The following GPR6 variants were observed in gnomAD, a reference collection of about 807,000 sequenced individuals.
GPR6 encodes the protein G protein-coupled receptor 6.
GPR6 carries 14 observed loss-of-function variants against 18.5 expected under a neutral mutation model. That is an observed-to-expected ratio of 0.76 (90% CI 0.50 to 1.18). The LOEUF (loss-of-function observed/expected upper bound fraction) is 1.18, where lower values mean the gene tolerates loss of function less well. Among genes scored for constraint, GPR6 ranks in the 50% most tolerant of loss-of-function variants. The pLI is 0.00. For synonymous variants in GPR6, 299 were observed against 240.9 expected (o/e 1.24, Z -2.23); for missense variants, 477 against 495.9 (o/e 0.96, Z 0.36).
In GPR6 at chr6:109,979,508, G is replaced by C; in HGVS notation, c.396G>C (p.Gln132His). The change falls in exon 2 of 2, where the codon CAG (glutamine) becomes CAC (histidine). Residue 132 changes from glutamine to histidine, a missense_variant. Transcript: ENST00000275169. ...GCCTCATCTTGCACTTTGTGTTCCA[G>C]TACTTGGTGCCCTCGGAGACTGTGA... ...GCGLILHFVF[Q>H]YLVPSETVSL... 1.2e-6 allele frequency: 2 copies of C among 1,613,314 alleles called. No individual in the cohort carries two copies. The highest frequency in any genetic ancestry group is 1.7e-6 in the Non-Finnish European group (2 of 1,180,014).
intron 1 of GPR6, chr6:109,978,713 G>GCTGCCCAGC (rs1222498940): frequency 2.0e-6 from 3 of 1,532,264 alleles, no homozygotes; most frequent in Non-Finnish European, 2.6e-6. Context: ...CAGCGTCTCT[G>GCTGCCCAGC]CTGCCCAGCC....
At position 109,979,608 on chromosome 6, in the gene GPR6, C is replaced by A. The variant is rs752098850; in HGVS notation, c.496C>A (p.Arg166Ser). The change falls in exon 2 of 2, where the codon CGC becomes AGC. Residue 166 changes from arginine (R) to serine (S), a missense_variant. Coordinates refer to ENST00000275169, the MANE Select transcript of GPR6 (RefSeq NM_005284.5). Reference protein sequence around the residue: ...VSSLLAITVDRYLSLYNALTY... With the variant: ...VSSLLAITVDSYLSLYNALTY... ...CAGCCTGCTGGCCATTACGGTGGACCGCTACCTGTCCCTGTATAACGCGCT... is the reference window on the plus strand; with the variant it reads ...CAGCCTGCTGGCCATTACGGTGGACAGCTACCTGTCCCTGTATAACGCGCT... 1 of 1,612,660 alleles carries A rather than the reference C, an allele frequency of 6.2e-7. No homozygotes were observed. The highest frequency in any genetic ancestry group is 8.5e-7 in the Non-Finnish European group (1 of 1,180,012).
rs1005992796 is a variant in GPR6, at chr6:109,979,556, C to T, written c.444C>T (p.Leu148=). Residue 148 remains leucine, a synonymous_variant, in exon 2 of 2, where the codon CTC becomes CTT. Transcript: ENST00000275169. ...TGAGTCTGCTCACGGTGGGCTTCCT[C>T]GTGGCCTCCTTCGCCGCCTCTGTCA... ...ETVSLLTVGF[L]VASFAASVSS... The T allele has an allele frequency of 2.5e-6, 4 of 1,612,874 alleles. No individual in the cohort carries two copies. Among genetic ancestry groups the T allele is most frequent in the South Asian group, 1.1e-5 (1 of 91,080 alleles).
In GPR6 at chr6:109,979,474, C is replaced by A. The variant is rs763545349; in HGVS notation, c.362C>A (p.Ala121Glu). Residue 121 changes from alanine to glutamate, a missense_variant, in exon 2 of 2, where the codon GCG becomes GAG. Transcript: ENST00000275169. ...VGSLATADLLAGCGLILHFVF... is the reference protein window; with the variant it reads ...VGSLATADLLEGCGLILHFVF... Reference sequence around the variant, plus strand: ...AGCCTGGCCACCGCTGACCTGTTGGCGGGCTGTGGCCTCATCTTGCACTTT... The same window carrying A: ...AGCCTGGCCACCGCTGACCTGTTGGAGGGCTGTGGCCTCATCTTGCACTTT... 1.9e-6 allele frequency: 3 copies of A among 1,613,190 alleles called. No homozygotes were observed. The highest frequency in any genetic ancestry group is 2.5e-6 in the Non-Finnish European group (3 of 1,180,004).
Position 109,979,291 on chromosome 6 carries a change from T to A in GPR6, c.179T>A (p.Leu60Gln). ...GGGTCTCTGGAGCTGTCCTCGCAGC[T>A]GTCGGCTGGGCCACCGGGACTCCTG... ...ANGSLELSSQLSAGPPGLLLP... is the reference protein window; with the variant it reads ...ANGSLELSSQQSAGPPGLLLP... The change falls in exon 2 of 2, where the codon CTG becomes CAG. Residue 60 changes from leucine to glutamine, a missense_variant. By Grantham distance (113) the Leu-to-Gln change is moderately radical (BLOSUM62 -2). Coordinates refer to ENST00000275169, the MANE Select transcript of GPR6 (RefSeq NM_005284.5). 4 of 1,613,276 alleles carry A rather than the reference T, an allele frequency of 2.5e-6. No homozygotes were observed. Among genetic ancestry groups the A allele is most frequent in the Non-Finnish European group, 3.4e-6 (4 of 1,179,832 alleles).
In GPR6 at chr6:109,980,665, G is replaced by A. The variant is rs60400221; in HGVS notation, c.*464G>A. On this transcript the variant is annotated 3_prime_UTR_variant, in exon 2 of 2. Coordinates refer to ENST00000275169, the MANE Select transcript of GPR6 (RefSeq NM_005284.5). ...TGTGATAGAATATTTTGCTGCACAT[G>A]CATCAACAAATTACAACATGTTTTG... The A allele has an allele frequency of 4.6e-3, 833 of 182,660 alleles. 8 individuals are homozygous for A. Among genetic ancestry groups the A allele is most frequent in the African/African-American group, 0.019 (786 of 41,718 alleles). 11.3% of individuals were successfully genotyped at this position (182,660 alleles called of 1,614,324 possible).
rs1583858879 is a variant in GPR6 at position 109,979,818 on chromosome 6, A to T, written c.706A>T (p.Met236Leu). 1 of 1,604,652 alleles carries T rather than the reference A, an allele frequency of 6.2e-7. No homozygotes were observed. Among genetic ancestry groups the T allele is most frequent in the Non-Finnish European group, 8.5e-7 (1 of 1,179,118 alleles). The change falls in exon 2 of 2, where the codon ATG becomes TTG. Residue 236 changes from methionine (M) to leucine (L), a missense_variant. Transcript: ENST00000275169. ...GGCTCTGCTCTCCGCCGCCTTCTTC[A>T]TGGTCTTCGGCATCATGCTGCACCT... Reference protein sequence around the residue: ...HVALLSAAFFMVFGIMLHLYV... With the variant: ...HVALLSAAFFLVFGIMLHLYV...
intron 1 of GPR6, chr6:109,978,762 G>C: frequency 6.5e-7 from 1 of 1,535,686 alleles, no homozygotes; most frequent in Non-Finnish European, 8.7e-7. Context: ...CAACCCAGGC[G>C]GGACTCTCCC....
chr6:109,978,927 G>C, intron 1 of GPR6, 168 bp from the exon 2 acceptor site: 2 of 1,525,164 alleles, frequency 1.3e-6, no homozygotes, highest in Non-Finnish European at 1.8e-6. Context: ...CACTCAACAG[G>C]TATTTATTTT....
In GPR6 at chr6:109,979,809, G is replaced by A. The variant is rs776397305; in HGVS notation, c.697G>A (p.Ala233Thr). ...CAGCCACGTGGCTCTGCTCTCCGCC[G>A]CCTTCTTCATGGTCTTCGGCATCAT... ...ARSHVALLSA[A>T]FFMVFGIMLH... The change falls in exon 2 of 2, where the codon GCC (alanine) becomes ACC (threonine). Residue 233 changes from alanine (A) to threonine (T), a missense_variant. Ala to Thr is a moderately conservative substitution (Grantham distance 58). Coordinates refer to ENST00000275169, the MANE Select transcript of GPR6 (RefSeq NM_005284.5). 103 of 1,602,430 alleles carry A rather than the reference G, an allele frequency of 6.4e-5. No homozygotes were observed. The Admixed American group carries it at 1.7e-3, about 26-fold the overall frequency.
At position 109,978,846 on chromosome 6, in the gene GPR6, G is replaced by T. The variant is rs941152330; in HGVS notation, c.-18-249G>T. ...GCAGCCTTGGAGAATTGATCCTTGTGCATGTGAGTGCATGTTGTCCTGGTG... is the reference window on the plus strand; with the variant it reads ...GCAGCCTTGGAGAATTGATCCTTGTTCATGTGAGTGCATGTTGTCCTGGTG... On this transcript the variant is annotated intron_variant, in intron 1 of 1. Transcript: ENST00000275169. 9 of 1,535,556 alleles carry T rather than the reference G, an allele frequency of 5.9e-6. No individual in the cohort carries two copies. The Admixed American group carries it at 9.8e-5, about 17-fold the overall frequency.
rs755362396 is a variant in GPR6 at position 109,980,138 on chromosome 6, C to G, written c.1026C>G (p.Leu342=). The change falls in exon 2 of 2, where the codon CTC becomes CTG. Residue 342 remains leucine (L), a synonymous_variant. Coordinates refer to ENST00000275169, the MANE Select transcript of GPR6 (RefSeq NM_005284.5). ...RNQEIQRALW[L]LLCGCFQSKV... ...AGGAGATCCAGCGCGCCCTGTGGCT[C>G]CTGCTCTGTGGCTGTTTCCAGTCCA... is the stretch of plus-strand genomic sequence containing the variant. The G allele has an allele frequency of 6.2e-6, 10 of 1,614,112 alleles. No homozygotes were observed. The highest frequency in any genetic ancestry group is 6.8e-6 in the Non-Finnish European group (8 of 1,180,048).
In GPR6 at chr6:109,979,473, G is replaced by A. The variant is rs1310444789; in HGVS notation, c.361G>A (p.Ala121Thr). Residue 121 changes from alanine (A) to threonine (T), a missense_variant, in exon 2 of 2, where the codon GCG becomes ACG. Transcript: ENST00000275169. The part of the protein sequence containing the change: ...VGSLATADLL[A>T]GCGLILHFVF... ...CAGCCTGGCCACCGCTGACCTGTTG[G>A]CGGGCTGTGGCCTCATCTTGCACTT... 3.1e-6 allele frequency: 5 copies of A among 1,613,358 alleles called. No individual in the cohort carries two copies. Among genetic ancestry groups the A allele is most frequent in the Non-Finnish European group, 3.4e-6 (4 of 1,180,002 alleles).
At position 109,979,725 on chromosome 6, in the gene GPR6, C is replaced by T. The variant is rs1249535100; in HGVS notation, c.613C>T (p.Leu205=). 2 of 1,605,708 alleles carry T rather than the reference C, an allele frequency of 1.2e-6. No homozygotes were observed. Among genetic ancestry groups the T allele is most frequent in the Non-Finnish European group, 1.7e-6 (2 of 1,179,444 alleles). Residue 205 remains leucine (L), a synonymous_variant, in exon 2 of 2, where the codon CTG becomes TTG. Transcript: ENST00000275169. Reference sequence around the variant, plus strand: ...CCTAGGCCTGGGGCTGCTGCCCGTGCTGGGCTGGAACTGCCTGGCAGAGCG... The same window carrying T: ...CCTAGGCCTGGGGCTGCTGCCCGTGTTGGGCTGGAACTGCCTGGCAGAGCG... ...VSLGLGLLPV[L]GWNCLAERAA... is the part of the protein sequence containing the mutation.
chr6:109,979,278 CT>C lies in GPR6; in HGVS notation c.167del (p.Leu56ArgfsTer17). On this transcript the variant is annotated frameshift_variant, in exon 2 of 2. Coordinates refer to ENST00000275169, the MANE Select transcript of GPR6 (RefSeq NM_005284.5). LOFTEE classifies it high-confidence loss of function. Reference sequence around the variant, plus strand: ...CGGCGGAGCTAATGGGTCTCTGGAGCTGTCCTCGCAGCTGTCGGCTGGGCCA... The same window carrying C: ...CGGCGGAGCTAATGGGTCTCTGGAGCGTCCTCGCAGCTGTCGGCTGGGCCA... ...AGGGANGSLE[L>X]SSQLSAGPPG... is the part of the protein sequence containing the mutation. 6.2e-7 allele frequency: 1 copy of C among 1,612,968 alleles called. No individual in the cohort carries two copies. Among genetic ancestry groups the C allele is most frequent in the Non-Finnish European group, 8.5e-7 (1 of 1,179,798 alleles).
chr6:109,980,248 A>G lies in GPR6; in HGVS notation c.*47A>G, dbSNP rs756617866. On this transcript the variant is annotated 3_prime_UTR_variant, in exon 2 of 2. Coordinates refer to ENST00000275169, the MANE Select transcript of GPR6 (RefSeq NM_005284.5). ...CACCAACACCACACCCCAACAAGCC[A>G]GCCTTTGGTAAGCTCGGTGCCTGCT... is the stretch of plus-strand genomic sequence containing the variant. 2.5e-6 allele frequency: 4 copies of G among 1,609,764 alleles called. No homozygotes were observed. In the South Asian group the frequency reaches 4.4e-5, roughly 18 times the overall value.
At chr6:109,978,822 C>A in intron 1 of GPR6, 1 of 1,535,782 alleles carries the variant, frequency 6.5e-7, no homozygotes, top group Non-Finnish European at 8.7e-7. Context: ...CAAATACAGG[C>A]AGCCTTGGAG....
Position 109,979,628 on chromosome 6 carries a change from C to A in GPR6, c.516C>A (p.Asn172Lys), listed in dbSNP as rs1014465679. 1.1e-5 allele frequency: 17 copies of A among 1,612,676 alleles called. No homozygotes were observed. The highest frequency in any genetic ancestry group is 1.4e-5 in the Non-Finnish European group (17 of 1,180,002). Residue 172 changes from asparagine (N) to lysine (K), a missense_variant, in exon 2 of 2, where the codon AAC becomes AAA. Transcript: ENST00000275169. ...ITVDRYLSLY[N>K]ALTYYSRRTL... The stretch of plus-strand genomic sequence containing the variant: ...TGGACCGCTACCTGTCCCTGTATAA[C>A]GCGCTCACCTATTACTCGCGCCGGA...
intron 1 of GPR6, 159 bp downstream of exon 1, chr6:109,978,626 C>T: frequency 1.1e-6 from 1 of 879,652 alleles, no homozygotes; most frequent in East Asian, 2.7e-5. Flanking sequence ...CCTCCCAGAC[C>T]CCCTTCGCAG....
Sources: allele counts gnomAD v4.1 joint callset, GRCh38; gene constraint gnomAD v4.1.1; transcripts MANE v1.5; gene names NCBI Gene and HGNC (gene_info 2026-07-23, HGNC 2026-07-21).